The following NTN1 variants were observed in gnomAD, a reference collection of about 807,000 sequenced individuals.
NTN1 encodes the protein netrin 1.
A neutral mutation model predicts 54.2 loss-of-function variants in NTN1; 11 were observed. That is an observed-to-expected ratio of 0.20 (90% CI 0.13 to 0.34). The LOEUF is 0.34. Ranked by LOEUF, NTN1 falls within the 10% of genes least tolerant of loss-of-function variation. The pLI is 1.00. For synonymous variants in NTN1, 371 were observed against 382.0 expected (o/e 0.97, Z 0.33); for missense variants, 740 against 893.1 (o/e 0.83, Z 2.18).
chr17:9,041,534 C>T (rs1445416744), intron 2 of NTN1, among the ~76,000 whole-genome samples: 1 of 152,180 alleles, frequency 6.6e-6, no homozygotes, highest in Non-Finnish European at 1.5e-5. Flanking sequence ...CTTTTAATGG[C>T]TGAATTCCAT....
intron 2 of NTN1, among the ~76,000 whole-genome samples, chr17:9,161,059 G>A (rs1022900637): frequency 1.3e-5 from 2 of 152,260 alleles, no homozygotes; most frequent in South Asian, 4.1e-4. Context: ...TGGAGTGAAC[G>A]AGAAGAGGCC....
intron 5 of NTN1, among the ~76,000 whole-genome samples, chr17:9,186,806 G>A (rs2092434767): frequency 6.6e-6 from 1 of 152,246 alleles, no homozygotes; most frequent in African/African-American, 2.4e-5. Flanking sequence ...TAGACCTGCA[G>A]CCTGGATAAG....
At chr17:9,104,584 A>G (rs895236351) in intron 2 of NTN1, among the ~76,000 whole-genome samples, 6 of 152,158 alleles carry the variant, frequency 3.9e-5, no homozygotes, top group Non-Finnish European at 7.3e-5. Context: ...GGAGGTAGCA[A>G]TAGGGTCAGC....
chr17:9,218,579 A>G (rs900494480), intron 5 of NTN1, among the ~76,000 whole-genome samples: 1 of 152,110 alleles, frequency 6.6e-6, no homozygotes, highest in African/African-American at 2.4e-5. Context: ...CTAGGCTGGG[A>G]CAGTGACGCT....
At chr17:9,231,792 C>T (rs1905824549) in intron 6 of NTN1, among the ~76,000 whole-genome samples, 1 of 150,476 alleles carries the variant, frequency 6.6e-6, no homozygotes, top group Admixed American at 6.8e-5. Context: ...TTCTGGGAGC[C>T]CCGGAGGGAG....
intron 6 of NTN1, among the ~76,000 whole-genome samples, chr17:9,235,383 C>G (rs1404569579): frequency 6.6e-6 from 1 of 152,046 alleles, no homozygotes; most frequent in African/African-American, 2.4e-5. Flanking sequence ...GGATCCTCAG[C>G]AGAGCCCCCC....
chr17:9,183,561 T>C (rs2092425341), intron 5 of NTN1: 1 of 313,610 alleles, frequency 3.2e-6, no homozygotes, highest in Non-Finnish European at 6.5e-6. Context: ...GGTGCAGATA[T>C]CATAAATATC....
At chr17:9,231,294 C>CGG (rs1195853573) in intron 6 of NTN1, among the ~76,000 whole-genome samples, 1 of 102,412 alleles carries the variant, frequency 9.8e-6, no homozygotes, top group Non-Finnish European at 2.4e-5. Flanking sequence ...CATGGGGTAC[C>CGG]CGGGGGGGGA....
At chr17:9,014,091 C>G in the NTN1 span, among the ~76,000 whole-genome samples, 1 of 152,284 alleles carries the variant, frequency 6.6e-6, no homozygotes, top group Non-Finnish European at 1.5e-5. Flanking sequence ...AAGGGGGAGG[C>G]CTGAGCTGAA....
chr17:9,029,072 C>T (rs1365822549), intron 2 of NTN1, among the ~76,000 whole-genome samples: 2 of 151,986 alleles, frequency 1.3e-5, no homozygotes, highest in South Asian at 2.1e-4. Flanking sequence ...AGCAGGCCCA[C>T]AGCATTTTGC....
At chr17:9,171,088 A>G (rs1339472054) in intron 3 of NTN1, 1 of 152,212 alleles carries the variant, frequency 6.6e-6, no homozygotes, top group Non-Finnish European at 1.5e-5. Flanking sequence ...AACTTGAAAC[A>G]TTTATTCTTT....
intron 5 of NTN1, among the ~76,000 whole-genome samples, chr17:9,188,201 G>T (rs1047991071): frequency 8.5e-5 from 13 of 152,196 alleles, no homozygotes; most frequent in Non-Finnish European, 1.5e-4. Flanking sequence ...GGCCAAGGTG[G>T]ACAGATCACC....
At chr17:9,187,830 CAAAAAAA>C (rs145501658) in intron 5 of NTN1, among the ~76,000 whole-genome samples, 1 of 144,988 alleles carries the variant, frequency 6.9e-6, no homozygotes, top group Non-Finnish European at 1.5e-5. Context: ...GACCACATCT[CAAAAAAA>C]AAAAGAAATG....
intron 2 of NTN1, among the ~76,000 whole-genome samples, chr17:9,118,022 G>A (rs1357414912): frequency 2.6e-5 from 4 of 152,286 alleles, no homozygotes; most frequent in Admixed American, 6.5e-5. Context: ...GCCATGCCAC[G>A]TGGCCTCAAA....
chr17:9,137,094 A>G (rs892423656), intron 2 of NTN1, among the ~76,000 whole-genome samples: 3 of 151,888 alleles, frequency 2.0e-5, no homozygotes, highest in African/African-American at 7.3e-5. Flanking sequence ...GCTCCTATCT[A>G]TGCTTTAAGA....
intron 6 of NTN1, among the ~76,000 whole-genome samples, chr17:9,232,419 G>A (rs963363997): frequency 1.3e-5 from 2 of 152,190 alleles, no homozygotes; most frequent in African/African-American, 4.8e-5. Context: ...CAGGGGACAG[G>A]GCTGGTCTCC....
At chr17:9,180,014 T>C in intron 4 of NTN1, 58 bp downstream of exon 4, 1 of 1,555,260 alleles carries the variant, frequency 6.4e-7, no homozygotes, top group East Asian at 2.3e-5. Context: ...CAGTGAGCTT[T>C]TGAGGATGCT....
rs1029209887 is a variant in NTN1, at chr17:9,219,750, C to T, written c.1412-1418C>T. 2.0e-5 allele frequency among the ~76,000 whole-genome samples: 3 copies of T among 152,236 alleles called. No homozygotes were observed. Among genetic ancestry groups the T allele is most frequent in the African/African-American group, 2.4e-5 (1 of 41,452 alleles). The stretch of plus-strand genomic sequence containing the variant: ...CTTCCCCTTGTGCTCCCACACAAAT[C>T]ACTCCTCCCCTACCTTGACCTTTGT... On this transcript the variant is annotated intron_variant, in intron 5 of 6. Coordinates refer to ENST00000173229, the MANE Select transcript of NTN1 (RefSeq NM_004822.3). The surrounding 1 kb of genome is among the most constrained non-coding windows in gnomAD (Gnocchi z 4.5).
In NTN1 at chr17:9,198,221, T is replaced by C. The variant is rs12602191; in HGVS notation, c.1411+15252T>C. 7.9e-3 allele frequency among the ~76,000 whole-genome samples: 1,205 copies of C among 152,290 alleles called. 56 individuals carry two copies. In the East Asian group the frequency reaches 0.11, roughly 14 times the overall value. ...GGAAAACACAAGGCTGCAGTGGAAG[T>C]CTAGCCTCAGCCTGATCACGCGGGA... On this transcript the variant is annotated intron_variant, in intron 5 of 6. Coordinates refer to ENST00000173229, the MANE Select transcript of NTN1 (RefSeq NM_004822.3).
Sources: gnomAD v4.1 joint callset for allele counts (sites outside exome capture counted in the v4.1 genomes callset) on GRCh38, gnomAD v4.1.1 for gene constraint, Gnocchi (gnomAD v3.1) non-coding constraint, MANE v1.5 for transcripts, NCBI Gene and HGNC (gene_info 2026-07-23, HGNC 2026-07-21) for gene names.